GADL1: variants seen among roughly 807,000 people sequenced by gnomAD.
GADL1 encodes the protein acidic amino acid decarboxylase GADL1.
Under a neutral mutation model 69.5 loss-of-function variants are expected in GADL1, and 71 were observed. The observed-to-expected ratio is 1.02, with a 90% CI of 0.84 to 1.25. The LOEUF (loss-of-function observed/expected upper bound fraction) is 1.25. Among genes scored for constraint, GADL1 ranks in the 50% most tolerant of loss-of-function variants. GADL1 has a pLI of 0.00. For synonymous variants in GADL1, 254 were observed against 214.4 expected (o/e 1.18, Z -1.62); for missense variants, 737 against 631.8 (o/e 1.17, Z -1.79).
intron 13 of GADL1, among the ~76,000 whole-genome samples, chr3:30,782,458 A>G (rs1696687010): frequency 6.6e-6 from 1 of 152,190 alleles, no homozygotes; most frequent in Admixed American, 6.6e-5. Flanking sequence ...TTAGTGGATC[A>G]TAGTTCTAAT....
At chr3:30,872,625 C>G (rs1014024311) in intron 1 of GADL1, among the ~76,000 whole-genome samples, 54 of 152,070 alleles carry the variant, frequency 3.6e-4, no homozygotes, top group African/African-American at 1.3e-3. Flanking sequence ...CTTGGTGATA[C>G]TGTCAGTTAA....
At chr3:30,746,222 C>T (rs1368827856) in intron 14 of GADL1, among the ~76,000 whole-genome samples, 2 of 151,988 alleles carry the variant, frequency 1.3e-5, no homozygotes, top group Non-Finnish European at 2.9e-5. Flanking sequence ...CCTCAAGTGG[C>T]CTCAAGAGGT....
At chr3:30,873,916 T>C (rs953847629) in intron 1 of GADL1, among the ~76,000 whole-genome samples, 1 of 151,946 alleles carries the variant, frequency 6.6e-6, no homozygotes, top group South Asian at 2.1e-4. Flanking sequence ...TACAGAAAAC[T>C]GTACTTACCA....
At chr3:30,778,659 T>G (rs557656669) in intron 13 of GADL1, 150 of 159,348 alleles carry the variant, frequency 9.4e-4, no homozygotes, top group Non-Finnish European at 1.7e-3. Flanking sequence ...CAATAATTCT[T>G]CTTAAGGCAG....
chr3:30,822,929 T>C (rs543635433), intron 11 of GADL1, among the ~76,000 whole-genome samples: 2 of 152,152 alleles, frequency 1.3e-5, no homozygotes, highest in East Asian at 3.9e-4. Context: ...TCAGGTTGAA[T>C]GAAAGGCTGA....
At chr3:30,762,005 CAGTG>C (rs773452657) in intron 14 of GADL1, among the ~76,000 whole-genome samples, 3 of 152,270 alleles carry the variant, frequency 2.0e-5, no homozygotes, top group East Asian at 1.9e-4. Context: ...AGAGCCGAGA[CAGTG>C]AGTACAGGTC....
At chr3:30,891,460 C>T (rs1559370405) in intron 1 of GADL1, among the ~76,000 whole-genome samples, 1 of 152,118 alleles carries the variant, frequency 6.6e-6, no homozygotes, top group East Asian at 1.9e-4. Context: ...TCTTCTCCAG[C>T]ATTCTTCCTG....
chr3:30,756,987 G>A (rs760547051), intron 14 of GADL1, among the ~76,000 whole-genome samples: 8 of 152,148 alleles, frequency 5.3e-5, no homozygotes, highest in Non-Finnish European at 8.8e-5. Context: ...AGTAGAAAAT[G>A]TGTGGGTCTT....
intron 14 of GADL1, among the ~76,000 whole-genome samples, chr3:30,735,890 C>T (rs1695535678): frequency 6.6e-6 from 1 of 152,114 alleles, no homozygotes; most frequent in Non-Finnish European, 1.5e-5. Context: ...TCAGATTGAA[C>T]ATATTTAAAT....
chr3:30,888,790 G>C (rs74980488), intron 1 of GADL1, among the ~76,000 whole-genome samples: 1 of 151,904 alleles, frequency 6.6e-6, no homozygotes. Context: ...GACTGAAAAA[G>C]AGTTCCCTAC....
chr3:30,844,980 G>A (rs1698031212), intron 6 of GADL1, among the ~76,000 whole-genome samples: 2 of 152,070 alleles, frequency 1.3e-5, no homozygotes, highest in African/African-American at 4.8e-5. Context: ...CTAAGGAGAG[G>A]GCAAGACTCT....
intron 14 of GADL1, among the ~76,000 whole-genome samples, chr3:30,754,978 C>G (rs6806288): frequency 0.43 from 64,698 of 151,828 alleles, 14,324 homozygotes; most frequent in African/African-American, 0.53. Flanking sequence ...CAGACCAAAA[C>G]GGGGGAGCAC....
At chr3:30,740,539 C>T (rs1695601789) in intron 14 of GADL1, among the ~76,000 whole-genome samples, 1 of 152,120 alleles carries the variant, frequency 6.6e-6, no homozygotes, top group Non-Finnish European at 1.5e-5. Flanking sequence ...TACTATTTCA[C>T]ACAATTGAAC....
intron 14 of GADL1, among the ~76,000 whole-genome samples, chr3:30,776,595 T>A (rs567380606): frequency 8.1e-4 from 123 of 152,314 alleles, no homozygotes; most frequent in African/African-American, 2.8e-3. Flanking sequence ...GTGTATTCTG[T>A]ATTGGTCATC....
intron 8 of GADL1, among the ~76,000 whole-genome samples, chr3:30,841,760 G>T (rs141519407): frequency 2.0e-5 from 3 of 152,090 alleles, no homozygotes; most frequent in African/African-American, 7.2e-5. Flanking sequence ...GGAGTGGAGG[G>T]TATTGTGATG....
chr3:30,786,450 AAG>A (rs771224984), intron 12 of GADL1, 44 bp from the exon 13 acceptor site: 1 of 1,007,000 alleles, frequency 9.9e-7, no homozygotes, highest in South Asian at 1.3e-5. Flanking sequence ...TGCAATGTAA[AAG>A]TGTCATGAAC....
chr3:30,742,998 T>C (rs1358946187), intron 14 of GADL1, among the ~76,000 whole-genome samples: 3 of 151,984 alleles, frequency 2.0e-5, no homozygotes, highest in Admixed American at 1.3e-4. Flanking sequence ...AACCTGCGCA[T>C]GATCTTGTAT....
intron 14 of GADL1, among the ~76,000 whole-genome samples, chr3:30,746,653 C>T (rs1695707684): frequency 6.6e-6 from 1 of 152,088 alleles, no homozygotes; most frequent in South Asian, 2.1e-4. Context: ...TGTACCTTTC[C>T]TTTAGCTAAG....
At chr3:30,887,712 T>C (rs1698728050) in intron 1 of GADL1, among the ~76,000 whole-genome samples, 1 of 152,168 alleles carries the variant, frequency 6.6e-6, no homozygotes, top group Non-Finnish European at 1.5e-5. Flanking sequence ...ATCCAGATTG[T>C]CAATTTTACA....
Sources: gnomAD v4.1 joint callset for allele counts (sites outside exome capture counted in the v4.1 genomes callset) on GRCh38, gnomAD v4.1.1 for gene constraint, MANE v1.5 for transcripts, NCBI Gene and HGNC (gene_info 2026-07-23, HGNC 2026-07-21) for gene names.